NLRP13: variants seen among roughly 807,000 people sequenced by gnomAD.
The protein encoded by NLRP13 is NACHT, LRR and PYD domains-containing protein 13.
Under a neutral mutation model 94.4 loss-of-function variants are expected in NLRP13, and 82 were observed. The observed-to-expected ratio is 0.87, with a 90% CI of 0.73 to 1.04. NLRP13 has a LOEUF of 1.04. Ranked by LOEUF, NLRP13 falls within the 50% of genes least tolerant of loss-of-function variation. NLRP13 has a pLI of 0.00. For missense variants in NLRP13, 1,426 were observed against 1,230.8 expected (o/e 1.16, Z -2.37); for synonymous variants, 553 against 464.7 (o/e 1.19, Z -2.45).
chr19:55,911,677 C>A, intron 5 of NLRP13, 29 bp downstream of exon 5: 1 of 1,539,634 alleles, frequency 6.5e-7, no homozygotes, highest in South Asian at 1.3e-5. Flanking sequence ...CAGGAGAAAG[C>A]TGAGAAAGAA....
At chr19:55,925,065 G>C (rs760244839) in intron 1 of NLRP13, 30 bp from the exon 2 acceptor site, 1 of 1,599,290 alleles carries the variant, frequency 6.3e-7, no homozygotes, top group South Asian at 1.1e-5. Context: ...TGACATATGA[G>C]AATACCCAGA....
At chr19:55,926,383 C>A (rs528468069) in intron 1 of NLRP13, among the ~76,000 whole-genome samples, 85 of 152,308 alleles carry the variant, frequency 5.6e-4, no homozygotes, top group African/African-American at 1.8e-3. Flanking sequence ...GCTTAGGGAA[C>A]TTTGCAAGGA....
chr19:55,929,987 G>A (rs931846113), intron 1 of NLRP13, among the ~76,000 whole-genome samples: 1 of 152,112 alleles, frequency 6.6e-6, no homozygotes, highest in Non-Finnish European at 1.5e-5. Flanking sequence ...GTATCTGAGG[G>A]CTTTAAAAAT....
In NLRP13 at chr19:55,912,589, G is replaced by A. The variant is rs1986553775; in HGVS notation, c.1228C>T (p.Gln410Ter). The A allele has an allele frequency of 6.2e-7, 1 of 1,614,076 alleles. No homozygotes were observed. The highest frequency in any genetic ancestry group is 8.5e-7 in the Non-Finnish European group (1 of 1,180,040). ...DDSSEVEKIL[Q>*]QLRKNETLFH... ...AGAGTTTCGTTTTTTCTTAGCTGCTGCAGGATTTTCTCAACTTCACTTGAG... is the reference window on the plus strand; with the variant it reads ...AGAGTTTCGTTTTTTCTTAGCTGCTACAGGATTTTCTCAACTTCACTTGAG... Residue 410 changes from glutamine to a stop codon, truncating the protein, a stop_gained, in exon 5 of 11, where the codon CAG becomes TAG. Coordinates refer to ENST00000342929, the MANE Select transcript of NLRP13 (RefSeq NM_176810.2). LOFTEE classifies it high-confidence loss of function.
rs544609598 is a variant in NLRP13 at position 55,922,300 on chromosome 19, G to T, written c.523+1614C>A. 2.1e-3 allele frequency among the ~76,000 whole-genome samples: 315 copies of T among 148,482 alleles called. 1 individual carries two copies. Among genetic ancestry groups the T allele is most frequent in the African/African-American group, 7.1e-3 (287 of 40,576 alleles). Reference sequence around the variant, plus strand: ...ATCATTTGGCCTGTCTCTCAAAGAGGTTTTTTTTTTATTGTTGTTTTTTGT... The same window carrying T: ...ATCATTTGGCCTGTCTCTCAAAGAGTTTTTTTTTTTATTGTTGTTTTTTGT... On this transcript the variant is annotated intron_variant, in intron 4 of 10. Coordinates refer to ENST00000342929, the MANE Select transcript of NLRP13 (RefSeq NM_176810.2).
chr19:55,903,057 T>C (rs754524506), intron 8 of NLRP13, among the ~76,000 whole-genome samples: 1 of 151,770 alleles, frequency 6.6e-6, no homozygotes, highest in South Asian at 2.1e-4. Flanking sequence ...TTACAATGTG[T>C]AGAATTATAA....
chr19:55,896,839 A>AAAAAAAAAAAG (rs1986030246), intron 10 of NLRP13, among the ~76,000 whole-genome samples: 1 of 143,044 alleles, frequency 7.0e-6, no homozygotes, highest in Non-Finnish European at 1.5e-5. Context: ...AAAAAAAAAA[A>AAAAAAAAAAAG]AAAAAATGGA....
intron 5 of NLRP13, 134 bp downstream of exon 5, chr19:55,911,572 C>T (rs1397663509): frequency 5.0e-6 from 4 of 800,108 alleles, no homozygotes; most frequent in Non-Finnish European, 8.0e-6. Flanking sequence ...CAAGTTAGAG[C>T]TGCTCCAGAC....
At chr19:55,924,171 A>G (rs1986911765) in intron 3 of NLRP13, among the ~76,000 whole-genome samples, 192 bp from the exon 4 acceptor site, 2 of 152,150 alleles carry the variant, frequency 1.3e-5, no homozygotes, top group Admixed American at 1.3e-4. Flanking sequence ...TGCCCACGCT[A>G]GAGTGCAGTG....
intron 9 of NLRP13, 24 bp from the exon 10 acceptor site, chr19:55,898,961 G>A (rs760410931): frequency 2.5e-6 from 4 of 1,602,452 alleles, no homozygotes; most frequent in East Asian, 2.3e-5. Context: ...ACATACAAAA[G>A]GGGGGAAAGT....
intron 10 of NLRP13, among the ~76,000 whole-genome samples, chr19:55,896,820 C>CAAAAAAAAAAAAAAAAA: frequency 1.2e-5 from 1 of 80,910 alleles, no homozygotes; most frequent in South Asian, 7.8e-4. Flanking sequence ...CTCCATCTCA[C>CAAAAAAAAAAAAAAAAA]AAAAAAAAAA....
chr19:55,909,009 C>T (rs1309833869), intron 6 of NLRP13, among the ~76,000 whole-genome samples: 5 of 152,082 alleles, frequency 3.3e-5, no homozygotes, highest in African/African-American at 7.2e-5. Flanking sequence ...AGGAAAGTTA[C>T]GATCAAACCT....
chr19:55,924,239 C>T (rs1189148022), intron 3 of NLRP13, among the ~76,000 whole-genome samples: 1 of 152,162 alleles, frequency 6.6e-6, no homozygotes, highest in Non-Finnish European at 1.5e-5. Context: ...TCTCCTGCCT[C>T]AGCCTCCTGA....
chr19:55,921,033 A>C (rs303992), intron 4 of NLRP13, among the ~76,000 whole-genome samples: 1 of 151,946 alleles, frequency 6.6e-6, no homozygotes, highest in Non-Finnish European at 1.5e-5. Flanking sequence ...AAATACCGCA[A>C]GTTCTTACTT....
rs1452098183 is a variant in NLRP13, at chr19:55,911,807, T to A, written c.2010A>T (p.Glu670Asp). Residue 670 changes from glutamate to aspartate, a missense_variant, in exon 5 of 11, where the codon GAA becomes GAT. Physicochemically the swap from Glu to Asp is conservative, Grantham distance 45. Coordinates refer to ENST00000342929, the MANE Select transcript of NLRP13 (RefSeq NM_176810.2). ...TTAGGCAAAATGAAGAAGCTTGGAG[T>A]TCTTCGTCCTCCAAAATATTAAGGT... ...EVDLNILEDE[E>D]LQASSFCLKH... is the part of the protein sequence containing the mutation. The A allele has an allele frequency of 6.2e-7, 1 of 1,614,006 alleles. No individual in the cohort carries two copies. Among genetic ancestry groups the A allele is most frequent in the Non-Finnish European group, 8.5e-7 (1 of 1,179,856 alleles).
At chr19:55,918,557 C>T (rs1404068344) in intron 4 of NLRP13, among the ~76,000 whole-genome samples, 1 of 151,812 alleles carries the variant, frequency 6.6e-6, no homozygotes, top group Non-Finnish European at 1.5e-5. Context: ...ACAACTGAGC[C>T]AACAGAAATA....
At chr19:55,907,053 G>T (rs1470831651) in intron 7 of NLRP13, among the ~76,000 whole-genome samples, 1 of 152,206 alleles carries the variant, frequency 6.6e-6, no homozygotes, top group South Asian at 2.1e-4. Flanking sequence ...TCCGCTCCCG[G>T]GTTCAAGCGA....
Position 55,898,212 on chromosome 19 carries a change from GTTTT to G in NLRP13, c.2957+554_2957+557del, listed in dbSNP as rs996847207. On this transcript the variant is annotated intron_variant, in intron 10 of 10. Transcript: ENST00000342929. ...CAGGAGAGTTTTTGTTTTTGTTTTT[GTTTT>G]TTTTTTTTTTGAGATGGAGTTTCGC... Among the ~76,000 whole-genome samples, 12 of 28,076 alleles carry G rather than the reference GTTTT, an allele frequency of 4.3e-4. No individual in the cohort carries two copies. The East Asian group carries it at 0.023, about 54-fold the overall frequency. The allele number at this position is 28,076 out of a possible 152,430, so 18.4% of individuals were successfully genotyped here. A position where few individuals can be genotyped will look rare whatever the true frequency, so the allele number is the denominator to read the frequency against.
intron 8 of NLRP13, among the ~76,000 whole-genome samples, chr19:55,903,594 C>G (rs1265335346): frequency 6.6e-6 from 1 of 152,100 alleles, no homozygotes; most frequent in East Asian, 1.9e-4. Flanking sequence ...AATGGCATCT[C>G]AAGCTCCTAT....
Sources: allele counts gnomAD v4.1 joint callset (sites outside exome capture counted in the v4.1 genomes callset), GRCh38; gene constraint gnomAD v4.1.1; transcripts MANE v1.5; gene names NCBI Gene and HGNC (gene_info 2026-07-23, HGNC 2026-07-21).